Variants in HHIP observed in about 807,000 individuals in gnomAD.
HHIP encodes the protein hedgehog interacting protein, also known as hedgehog-interacting protein.
A neutral mutation model predicts 74.0 loss-of-function variants in HHIP; 12 were observed. That is an observed-to-expected ratio of 0.16 (90% confidence interval 0.10 to 0.26). The LOEUF (loss-of-function observed/expected upper bound fraction) is 0.26. Among genes scored for constraint, HHIP ranks in the 10% least tolerant of loss-of-function variants. The probability of loss-of-function intolerance (pLI) is 1.00; values close to 1 mark genes in which losing one functional copy is unlikely to be tolerated. For missense variants in HHIP, 788 were observed against 845.0 expected (o/e 0.93, Z 0.84); for synonymous variants, 309 against 311.6 (o/e 0.99, Z 0.09).
chr4:144,737,991 G>T lies in HHIP; in HGVS notation c.*34G>T. ...ACTGTTTGAATATTCTATTCCAATG[G>T]GCATTTATTTTTTATCCTGTCATTA... On this transcript the variant is annotated 3_prime_UTR_variant, in exon 13 of 13. Transcript: ENST00000296575. 2.8e-6 allele frequency: 4 copies of T among 1,439,808 alleles called. No individual in the cohort carries two copies. The highest frequency in any genetic ancestry group is 2.9e-5 in the African/African-American group (2 of 69,272). The allele number at this position is 1,439,808 out of a possible 1,614,324, so 89.2% of individuals were successfully genotyped here.
chr4:144,678,673 G>C (rs1489083164), intron 4 of HHIP, among the ~76,000 whole-genome samples: 4 of 152,060 alleles, frequency 2.6e-5, no homozygotes, highest in Admixed American at 2.6e-4. Context: ...TTAGTTTGCT[G>C]AGAATGATGG....
chr4:144,694,003 AAATG>A (rs1284651034), intron 4 of HHIP, among the ~76,000 whole-genome samples: 1 of 151,980 alleles, frequency 6.6e-6, no homozygotes, highest in East Asian at 1.9e-4. Context: ...TTCATATTAA[AAATG>A]AATGTTTAGA....
At chr4:144,707,332 C>T in intron 6 of HHIP, 72 bp downstream of exon 6, 1 of 1,291,512 alleles carries the variant, frequency 7.7e-7, no homozygotes, top group South Asian at 1.5e-5. Context: ...AAGGTGGGCA[C>T]CAGTGAATTA....
chr4:144,654,384 C>T (rs1490477569), intron 2 of HHIP, among the ~76,000 whole-genome samples: 1 of 152,038 alleles, frequency 6.6e-6, no homozygotes, highest in African/African-American at 2.4e-5. Flanking sequence ...TTGGTGGCCA[C>T]CCAGGCTGCT....
chr4:144,725,462 G>A (rs1177579671), intron 11 of HHIP, among the ~76,000 whole-genome samples: 1 of 152,048 alleles, frequency 6.6e-6, no homozygotes, highest in African/African-American at 2.4e-5. Context: ...CTCCTTTAAA[G>A]CATTTAGTGA....
chr4:144,691,447 T>C (rs1390377139), intron 4 of HHIP, among the ~76,000 whole-genome samples: 2 of 152,194 alleles, frequency 1.3e-5, no homozygotes, highest in Non-Finnish European at 2.9e-5. Context: ...TGGTTGATGT[T>C]GCTGACATTT....
At chr4:144,705,748 G>A (rs1226882939) in intron 4 of HHIP, among the ~76,000 whole-genome samples, 1 of 152,204 alleles carries the variant, frequency 6.6e-6, no homozygotes, top group Non-Finnish European at 1.5e-5. Context: ...CATGCCTAAT[G>A]TATACAATCC....
chr4:144,736,670 A>C (rs1302271956), intron 12 of HHIP, among the ~76,000 whole-genome samples: 4 of 152,166 alleles, frequency 2.6e-5, no homozygotes, highest in Admixed American at 1.3e-4. Flanking sequence ...ATAAAGTTTT[A>C]CTCCATGAGG....
intron 4 of HHIP, among the ~76,000 whole-genome samples, chr4:144,677,010 T>C (rs750200554): frequency 3.3e-5 from 5 of 152,144 alleles, no homozygotes; most frequent in Non-Finnish European, 7.4e-5. Flanking sequence ...CCAGAGAGGG[T>C]ACCTATAAAA....
Position 144,738,715 on chromosome 4 carries a change from A to T in HHIP, c.*758A>T, listed in dbSNP as rs1317379890. 1.2e-6 allele frequency: 1 copy of T among 813,576 alleles called. No individual in the cohort carries two copies. The highest frequency in any genetic ancestry group is 6.2e-5 in the Admixed American group (1 of 16,020). 50.4% of individuals were successfully genotyped at this position (813,576 alleles called of 1,614,324 possible). A position where few individuals can be genotyped will look rare whatever the true frequency, so the allele number is the denominator to read the frequency against. On this transcript the variant is annotated 3_prime_UTR_variant, in exon 13 of 13. Coordinates refer to ENST00000296575, the MANE Select transcript of HHIP (RefSeq NM_022475.3). ...ATATATTTTATTTTATTTTTATAAT[A>T]TAGACATCACCTAGATGAAACACCT... is the stretch of plus-strand genomic sequence containing the variant.
rs999222649 is a variant in HHIP, at chr4:144,739,048, T to C, written c.*1091T>C. 7 of 152,216 alleles carry C rather than the reference T, an allele frequency of 4.6e-5. No homozygotes were observed. The highest frequency in any genetic ancestry group is 1.5e-5 in the Non-Finnish European group (1 of 68,030). 9.4% of individuals were successfully genotyped at this position (152,216 alleles called of 1,614,324 possible). ...AGAAGAGCTCACTTGTTTTTAAAAA[T>C]CTTGGCTATGTAAGCTGTCACCTGT... is the stretch of plus-strand genomic sequence containing the variant. On this transcript the variant is annotated 3_prime_UTR_variant, in exon 13 of 13. Transcript: ENST00000296575.
At chr4:144,654,747 A>C (rs1728516407) in intron 2 of HHIP, 1 of 152,186 alleles carries the variant, frequency 6.6e-6, no homozygotes, top group African/African-American at 2.4e-5. Flanking sequence ...ATAAAAGCAA[A>C]TTTTAATAGT....
At chr4:144,703,869 T>C (rs1187097033) in intron 4 of HHIP, among the ~76,000 whole-genome samples, 1 of 152,220 alleles carries the variant, frequency 6.6e-6, no homozygotes, top group Non-Finnish European at 1.5e-5. Context: ...AACCCTTCAG[T>C]GCCCAATCAA....
chr4:144,722,801 C>A (rs1471463176), intron 11 of HHIP, among the ~76,000 whole-genome samples: 1 of 152,034 alleles, frequency 6.6e-6, no homozygotes. Context: ...TTGCAGTGAG[C>A]TGAGATCACA....
rs1252638330 is a variant in HHIP at position 144,734,804 on chromosome 4, C to A, written c.1824C>A (p.Cys608Ter). The A allele has an allele frequency of 6.2e-7, 1 of 1,613,122 alleles. No homozygotes were observed. The highest frequency in any genetic ancestry group is 1.1e-5 in the South Asian group (1 of 90,984). The change falls in exon 12 of 13, where the codon TGC becomes TGA. Residue 608 changes from cysteine to a stop codon, truncating the protein, a stop_gained. Coordinates refer to ENST00000296575, the MANE Select transcript of HHIP (RefSeq NM_022475.3). LOFTEE classifies it high-confidence loss of function. ...VQPAQTLTSE[C>*]SRLCRNGYCT... ...CTGCACAGACACTGACTTCAGAGTGCTCCAGGCTCTGTCGAAACGGCTACT... is the reference window on the plus strand; with the variant it reads ...CTGCACAGACACTGACTTCAGAGTGATCCAGGCTCTGTCGAAACGGCTACT...
chr4:144,683,404 C>T (rs1729398538), intron 4 of HHIP, among the ~76,000 whole-genome samples: 1 of 152,120 alleles, frequency 6.6e-6, no homozygotes, highest in South Asian at 2.1e-4. Flanking sequence ...TGGCTAATTA[C>T]AACATTTCCT....
At chr4:144,711,525 T>C (rs1440228340) in intron 7 of HHIP, among the ~76,000 whole-genome samples, 1 of 152,008 alleles carries the variant, frequency 6.6e-6, no homozygotes, top group East Asian at 1.9e-4. Flanking sequence ...GTGTGTGATG[T>C]TTCCCTCCCT....
intron 11 of HHIP, among the ~76,000 whole-genome samples, chr4:144,732,570 C>T (rs1341248030): frequency 6.6e-6 from 1 of 152,184 alleles, no homozygotes; most frequent in Non-Finnish European, 1.5e-5. Flanking sequence ...TATCAGATTC[C>T]TATTTATCAT....
chr4:144,696,457 AT>A lies in HHIP; in HGVS notation c.832-10072del, dbSNP rs1729820893. Among the ~76,000 whole-genome samples the A allele has an allele frequency of 2.6e-5, 4 of 152,088 alleles. No individual in the cohort carries two copies. In the South Asian group the frequency reaches 8.3e-4, roughly 32 times the overall value. On this transcript the variant is annotated intron_variant, in intron 4 of 12. Transcript: ENST00000296575. ...GTAACTGAGGGATGAGCTTCATTTT[AT>A]TCCCTTGTAGAACTTCAGAAACCCA...
Sources: allele counts gnomAD v4.1 joint callset (sites outside exome capture counted in the v4.1 genomes callset), GRCh38; gene constraint gnomAD v4.1.1; transcripts MANE v1.5; gene names NCBI Gene and HGNC (gene_info 2026-07-23, HGNC 2026-07-21).